The following FUT8 variants were observed in gnomAD, a reference collection of about 807,000 sequenced individuals.
FUT8 encodes alpha-(1,6)-fucosyltransferase.
A neutral mutation model predicts 71.3 loss-of-function variants in FUT8; 29 were observed. The observed-to-expected ratio is 0.41, with a 90% confidence interval of 0.30 to 0.55. The LOEUF (loss-of-function observed/expected upper bound fraction) is 0.55, where lower values mean the gene tolerates loss of function less well. Ranked by LOEUF, FUT8 falls within the 20% of genes least tolerant of loss-of-function variation. The pLI is 0.34. For missense variants in FUT8, 544 were observed against 702.1 expected (o/e 0.77, Z 2.55); for synonymous variants, 254 against 239.3 (o/e 1.06, Z -0.57).
intron 7 of FUT8, among the ~76,000 whole-genome samples, chr14:65,680,786 C>T (rs113113271): frequency 1.3e-3 from 195 of 152,258 alleles, no homozygotes; most frequent in Non-Finnish European, 1.9e-3. Flanking sequence ...ATGATATTTT[C>T]GAAACCAAAT....
chr14:65,453,680 G>C (rs2065858826), intron 1 of FUT8, among the ~76,000 whole-genome samples: 1 of 152,168 alleles, frequency 6.6e-6, no homozygotes, highest in Non-Finnish European at 1.5e-5. Context: ...TCCAAGCTCA[G>C]TGTCAGCCCA....
intron 5 of FUT8, among the ~76,000 whole-genome samples, chr14:65,621,207 A>G (rs1185996111): frequency 1.3e-5 from 2 of 152,134 alleles, no homozygotes; most frequent in African/African-American, 2.4e-5. Context: ...TTACTTTATC[A>G]GCACAGTAGT....
chr14:65,565,626 C>T (rs1263361101), intron 3 of FUT8, among the ~76,000 whole-genome samples: 1 of 151,834 alleles, frequency 6.6e-6, no homozygotes, highest in Non-Finnish European at 1.5e-5. Flanking sequence ...AAATTCCTAC[C>T]AGAAATTCTT....
At chr14:65,457,646 G>A (rs940123262) in intron 2 of FUT8, among the ~76,000 whole-genome samples, 2 of 152,248 alleles carry the variant, frequency 1.3e-5, no homozygotes, top group South Asian at 4.2e-4. Context: ...ACATGAAAGG[G>A]TTGTGATTGA....
At chr14:65,378,727 C>T in the FUT8 span, among the ~76,000 whole-genome samples, 1,970 of 151,204 alleles carry the variant, frequency 0.013, 47 homozygotes, top group East Asian at 0.095. Flanking sequence ...ATTAGCCAAA[C>T]ATCTGTTTGT....
chr14:65,586,569 G>C (rs1887396011), intron 3 of FUT8, among the ~76,000 whole-genome samples: 1 of 152,130 alleles, frequency 6.6e-6, no homozygotes, highest in South Asian at 2.1e-4. Context: ...TAACCGTGAA[G>C]AATAGCATGC....
At chr14:65,537,373 A>G (rs958788328) in intron 2 of FUT8, among the ~76,000 whole-genome samples, 9 of 151,414 alleles carry the variant, frequency 5.9e-5, no homozygotes, top group Non-Finnish European at 1.3e-4. Flanking sequence ...TATTATTACT[A>G]TGATTATTAT....
chr14:65,459,865 A>G (rs1209377328), intron 2 of FUT8, among the ~76,000 whole-genome samples: 2 of 152,206 alleles, frequency 1.3e-5, no homozygotes, highest in African/African-American at 4.8e-5. Flanking sequence ...ATAGCATTTT[A>G]TTTTAAAGTT....
Position 65,607,226 on chromosome 14 carries a change from A to G in FUT8, c.204-8752A>G, listed in dbSNP as rs1888632790. Among the ~76,000 whole-genome samples the G allele has an allele frequency of 6.6e-6, 1 of 151,884 alleles. No homozygotes were observed. Among genetic ancestry groups the G allele is most frequent in the African/African-American group, 2.4e-5 (1 of 41,436 alleles). On this transcript the variant is annotated intron_variant, in intron 3 of 10. Coordinates refer to ENST00000673929, the MANE Select transcript of FUT8 (RefSeq NM_001371533.1). This position sits in a 1 kb window ranked among gnomAD's most constrained non-coding sequence, Gnocchi z 4.1. ...TTACCTCAGCTAAGGCCTTCAGTAC[A>G]GTGATGAATAGAAGCATAGATGGCA...
At chr14:65,692,934 C>A (rs559813596) in intron 7 of FUT8, among the ~76,000 whole-genome samples, 3 of 151,860 alleles carry the variant, frequency 2.0e-5, no homozygotes, top group Non-Finnish European at 4.4e-5. Flanking sequence ...ACGCTCCTCA[C>A]TTCCTAGATG....
At chr14:65,457,852 C>T (rs2065914249) in intron 2 of FUT8, 1 of 152,226 alleles carries the variant, frequency 6.6e-6, no homozygotes, top group Admixed American at 6.5e-5. Context: ...TGCCGGGCTG[C>T]CTGTCTTTGA....
Position 65,412,745 on chromosome 14 carries a change from C to T in FUT8, c.-795C>T, listed in dbSNP as rs897470305. 1.2e-3 allele frequency: 209 copies of T among 173,230 alleles called. No homozygotes were observed. Among genetic ancestry groups the T allele is most frequent in the Non-Finnish European group, 2.1e-3 (171 of 81,286 alleles). 10.7% of individuals were successfully genotyped at this position (173,230 alleles called of 1,614,324 possible). A position where few individuals can be genotyped will look rare whatever the true frequency, so the allele number is the denominator to read the frequency against. On this transcript the variant is annotated 5_prime_UTR_variant, in exon 1 of 11. Coordinates refer to ENST00000673929, the MANE Select transcript of FUT8 (RefSeq NM_001371533.1). ...GCGCTCCCCCATTCGCGCGCGCACG[C>T]CGGCGCTGGCCGAGGCTTCCCCGCC...
At chr14:65,657,397 T>G (rs1054062897) in intron 6 of FUT8, among the ~76,000 whole-genome samples, 14 of 152,118 alleles carry the variant, frequency 9.2e-5, no homozygotes, top group African/African-American at 3.1e-4. Flanking sequence ...CTTTCCACAA[T>G]AGCCAGGATT....
In FUT8 at chr14:65,669,552, T is replaced by C; in HGVS notation, c.835+72T>C. The C allele has an allele frequency of 9.9e-7, 1 of 1,009,470 alleles. No individual in the cohort carries two copies. The highest frequency in any genetic ancestry group is 1.6e-6 in the Non-Finnish European group (1 of 644,478). 62.5% of individuals were successfully genotyped at this position (1,009,470 alleles called of 1,614,324 possible). A position where few individuals can be genotyped will look rare whatever the true frequency, so the allele number is the denominator to read the frequency against. On this transcript the variant is annotated intron_variant, in intron 7 of 10. Coordinates refer to ENST00000673929, the MANE Select transcript of FUT8 (RefSeq NM_001371533.1). The surrounding 1 kb of genome is among the most constrained non-coding windows in gnomAD (Gnocchi z 4.5). ...ATTACCAGATTATTAGATTTCTAGG[T>C]AGACCTTCATGGAACATACTTATCT...
At chr14:65,455,384 A>G (rs2065882152) in intron 1 of FUT8, among the ~76,000 whole-genome samples, 1 of 152,262 alleles carries the variant, frequency 6.6e-6, no homozygotes, top group African/African-American at 2.4e-5. Context: ...AAGTTGAACT[A>G]TGAAGCAAAT....
chr14:65,512,552 ATGACAAGTTAC>A (rs1206409157), intron 2 of FUT8, among the ~76,000 whole-genome samples: 3 of 152,158 alleles, frequency 2.0e-5, no homozygotes, highest in African/African-American at 7.2e-5. Flanking sequence ...TTTACTTTGT[ATGACAAGTTAC>A]TGAACGTTCT....
chr14:65,615,792 C>A (rs573676857), intron 3 of FUT8, among the ~76,000 whole-genome samples, 186 bp from the exon 4 acceptor site: 2 of 152,156 alleles, frequency 1.3e-5, no homozygotes, highest in African/African-American at 4.8e-5. Flanking sequence ...TCGTTATTAT[C>A]ATTTCATTGT....
At chr14:65,565,077 G>A (rs544398198) in intron 3 of FUT8, among the ~76,000 whole-genome samples, 1 of 151,974 alleles carries the variant, frequency 6.6e-6, no homozygotes, top group Non-Finnish European at 1.5e-5. Flanking sequence ...TCAATTCATG[G>A]TGGGAAGTGG....
At chr14:65,738,626 G>A (rs1667098162) in intron 10 of FUT8, among the ~76,000 whole-genome samples, 2 of 152,062 alleles carry the variant, frequency 1.3e-5, no homozygotes, top group South Asian at 4.1e-4. Context: ...TCAAACCTGA[G>A]TATGGACGTC....
Sources: gnomAD v4.1 joint callset for allele counts (sites outside exome capture counted in the v4.1 genomes callset) on GRCh38, gnomAD v4.1.1 for gene constraint, Gnocchi (gnomAD v3.1) non-coding constraint, MANE v1.5 for transcripts, NCBI Gene and HGNC (gene_info 2026-07-23, HGNC 2026-07-21) for gene names.